The following CTCFL variants were observed in gnomAD, a reference collection of about 807,000 sequenced individuals.
The protein encoded by CTCFL is CCCTC-binding factor like.
In CTCFL, 36 loss-of-function variants were observed where a neutral mutation model predicts 67.4. The observed-to-expected ratio is 0.53, with a 90% CI of 0.41 to 0.71. The LOEUF (loss-of-function observed/expected upper bound fraction) is 0.71. Among genes scored for constraint, CTCFL ranks in the 30% least tolerant of loss-of-function variants. CTCFL has a pLI of 0.00. For synonymous variants in CTCFL, 324 were observed against 302.3 expected (o/e 1.07, Z -0.75); for missense variants, 786 against 835.2 (o/e 0.94, Z 0.73).
chr20:57,519,239 G>T lies in CTCFL; in HGVS notation c.893C>A (p.Thr298Asn). 6.2e-7 allele frequency: 1 copy of T among 1,614,194 alleles called. No individual in the cohort carries two copies. The highest frequency in any genetic ancestry group is 8.5e-7 in the Non-Finnish European group (1 of 1,180,038). ...HLCLKTFRTV[T>N]LLRNHVNTHT... is the part of the protein sequence containing the mutation. The stretch of plus-strand genomic sequence containing the variant: ...GGTGTTAACATGGTTCCGCAGCAGA[G>T]TGACCGTACGGAAGGTTTTCAGGCA... Residue 298 changes from threonine (T) to asparagine (N), a missense_variant, in exon 4 of 11, where the codon ACT becomes AAT. Around this residue, in one of 3 missense-constraint regions of CTCFL, gnomAD observed 254 missense variants for 333.9 expected, o/e 0.76. Transcript: ENST00000243914.
Position 57,512,583 on chromosome 20 carries a change from G to A in CTCFL, c.1491+9C>T. 1 of 1,613,786 alleles carries A rather than the reference G, an allele frequency of 6.2e-7. No individual in the cohort carries two copies. The highest frequency in any genetic ancestry group is 8.5e-7 in the Non-Finnish European group (1 of 1,179,726). Reference sequence around the variant, plus strand: ...CCACTGCCTCTCCAAATTAAGTAAAGTACAATACCTGCTTGCAGGCATAAC... The same window carrying A: ...CCACTGCCTCTCCAAATTAAGTAAAATACAATACCTGCTTGCAGGCATAAC... On this transcript the variant is annotated intron_variant, in intron 8 of 10. Coordinates refer to ENST00000243914, the MANE Select transcript of CTCFL (RefSeq NM_001386993.1).
intron 8 of CTCFL, among the ~76,000 whole-genome samples, chr20:57,509,400 A>G (rs980686514): frequency 2.7e-5 from 4 of 149,880 alleles, no homozygotes; most frequent in African/African-American, 9.8e-5. Flanking sequence ...AGTAGCTGGG[A>G]CTGTGGACGC....
At chr20:57,506,738 T>C in intron 9 of CTCFL, 3 of 962,898 alleles carry the variant, frequency 3.1e-6, no homozygotes, top group Non-Finnish European at 2.5e-6. Context: ...AGGGACTGCA[T>C]GAGGCAGACT....
intron 6 of CTCFL, 119 bp from the exon 7 acceptor site, chr20:57,514,860 G>A (rs768391576): frequency 9.2e-5 from 93 of 1,005,972 alleles, no homozygotes; most frequent in Non-Finnish European, 1.2e-4. Context: ...CCTTCTCACC[G>A]GACAACCCCC....
At position 57,514,571 on chromosome 20, in the gene CTCFL, A is replaced by G. The variant is rs762263306; in HGVS notation, c.1330+21T>C. On this transcript the variant is annotated intron_variant, in intron 7 of 10. Transcript: ENST00000243914. ...GAGCCAGCAAATGCTGTAGTAAAAGAAAGATCGCTAAACCACTCACGTAGG... is the reference window on the plus strand; with the variant it reads ...GAGCCAGCAAATGCTGTAGTAAAAGGAAGATCGCTAAACCACTCACGTAGG... 4 of 1,613,122 alleles carry G rather than the reference A, an allele frequency of 2.5e-6. No homozygotes were observed. The East Asian group carries it at 8.9e-5, about 36-fold the overall frequency.
At chr20:57,500,085 A>ATTTTTTTTTTTTTT in intron 10 of CTCFL, 1 of 639,826 alleles carries the variant, frequency 1.6e-6, no homozygotes, top group Non-Finnish European at 1.9e-6. Context: ...TCCTTGAAGT[A>ATTTTTTTTTTTTTT]TTTTTTTTTT....
chr20:57,517,284 T>C (rs1460079330), intron 5 of CTCFL, among the ~76,000 whole-genome samples: 3 of 136,246 alleles, frequency 2.2e-5, no homozygotes, highest in Non-Finnish European at 4.8e-5. Context: ...GTTCAAATGC[T>C]TTTTTTTTTT....
chr20:57,515,909 A>T (rs901989925), intron 5 of CTCFL, 75 bp from the exon 6 acceptor site: 15 of 1,466,128 alleles, frequency 1.0e-5, no homozygotes, highest in Non-Finnish European at 1.4e-5. Flanking sequence ...TCAGCATTGT[A>T]AAAGAGATTT....
intron 7 of CTCFL, 118 bp downstream of exon 7, chr20:57,514,474 C>T: frequency 8.0e-7 from 1 of 1,248,198 alleles, no homozygotes; most frequent in South Asian, 1.4e-5. Flanking sequence ...CGTCCCAGGG[C>T]CAAGTTCCCG....
rs1277824915 is a variant in CTCFL at position 57,514,669 on chromosome 20, A to C, written c.1253T>G (p.Leu418Arg). Reference sequence around the variant, plus strand: ...GGGGACATTTTCGCCGTGTTTCTGCAGAATATGTATTTTCATGGTCCCGCT... The same window carrying C: ...GGGGACATTTTCGCCGTGTTTCTGCCGAATATGTATTTTCATGGTCCCGCT... ...TQSGTMKIHI[L>R]QKHGENVPKY... Residue 418 changes from leucine to arginine, a missense_variant, in exon 7 of 11, where the codon CTG becomes CGG. Physicochemically the swap from Leu to Arg is moderately radical, Grantham distance 102 (BLOSUM62 -2). Transcript: ENST00000243914. The C allele has an allele frequency of 1.9e-6, 3 of 1,614,232 alleles. No individual in the cohort carries two copies. In the South Asian group the frequency reaches 3.3e-5, roughly 18 times the overall value.
chr20:57,507,194 C>CT (rs113180346), intron 9 of CTCFL: 27,759 of 212,624 alleles, frequency 0.13, 1,364 homozygotes, highest in East Asian at 0.32. Context: ...GAATGTGCCA[C>CT]TTTTTTTTTT....
chr20:57,513,067 A>T (rs2068669822), intron 7 of CTCFL, among the ~76,000 whole-genome samples: 1 of 152,186 alleles, frequency 6.6e-6, no homozygotes, highest in Non-Finnish European at 1.5e-5. Flanking sequence ...AGAATGCTGA[A>T]ATATCATTTT....
In CTCFL at chr20:57,524,187, A is replaced by T. The variant is rs1223987505; in HGVS notation, c.19T>A (p.Ser7Thr). 1.1e-5 allele frequency: 17 copies of T among 1,612,968 alleles called. No homozygotes were observed. Among genetic ancestry groups the T allele is most frequent in the Middle Eastern group, 3.3e-4 (2 of 6,062 alleles). MAATEISVLSEQFTKIK... is the reference protein window; with the variant it reads MAATEITVLSEQFTKIK... ...TTGGTGAATTGCTCAGAAAGGACAG[A>T]GATCTCAGTGGCTGCCATAATGACT... is the stretch of plus-strand genomic sequence containing the variant. The change falls in exon 2 of 11, where the codon TCT becomes ACT. Residue 7 changes from serine (S) to threonine (T), a missense_variant. Coordinates refer to ENST00000243914, the MANE Select transcript of CTCFL (RefSeq NM_001386993.1).
At chr20:57,523,426 G>A (rs886632066) in intron 2 of CTCFL, 148 bp from the exon 3 acceptor site, 2 of 973,286 alleles carry the variant, frequency 2.1e-6, no homozygotes, top group African/African-American at 1.7e-5. Context: ...GGTTGTGGCA[G>A]TGAAACTTAA....
intron 5 of CTCFL, among the ~76,000 whole-genome samples, chr20:57,517,288 T>A (rs1022924513): frequency 2.7e-5 from 4 of 150,474 alleles, no homozygotes; most frequent in African/African-American, 9.8e-5. Context: ...AAATGCTTTT[T>A]TTTTTTTTTT....
Position 57,513,819 on chromosome 20 carries a change from G to A in CTCFL, c.1330+773C>T, listed in dbSNP as rs1175148249. The A allele has an allele frequency of 1.2e-5, 15 of 1,288,258 alleles. No individual in the cohort carries two copies. In the African/African-American group the frequency reaches 1.7e-4, roughly 14 times the overall value. 79.8% of individuals were successfully genotyped at this position (1,288,258 alleles called of 1,614,324 possible). ...CTAACATATTTTTGTGTATCACAGTGTCATATATTTTGGAAAGAGAAATAA... is the reference window on the plus strand; with the variant it reads ...CTAACATATTTTTGTGTATCACAGTATCATATATTTTGGAAAGAGAAATAA... On this transcript the variant is annotated intron_variant, in intron 7 of 10. Coordinates refer to ENST00000243914, the MANE Select transcript of CTCFL (RefSeq NM_001386993.1).
At position 57,512,604 on chromosome 20, in the gene CTCFL, A is replaced by G. The variant is rs150326376; in HGVS notation, c.1479T>C (p.Tyr493=). The change falls in exon 8 of 11, where the codon TAT becomes TAC. Residue 493 remains tyrosine, a synonymous_variant. Transcript: ENST00000243914. ...TAAAGTACAATACCTGCTTGCAGGC[A>G]TAACTGCAGTGTTTGCACTTGAACC... The part of the protein sequence containing the change: ...EKRFKCKHCS[Y]ACKQERHMTA... The G allele has an allele frequency of 7.4e-5, 120 of 1,614,208 alleles. No individual in the cohort carries two copies. The highest frequency in any genetic ancestry group is 9.6e-5 in the Non-Finnish European group (113 of 1,180,020).
intron 7 of CTCFL, 133 bp from the exon 8 acceptor site, chr20:57,512,885 G>T: frequency 1.3e-6 from 1 of 761,312 alleles, no homozygotes; most frequent in Non-Finnish European, 2.1e-6. Flanking sequence ...AGGGCAGGGT[G>T]GGCTATCCTG....
At chr20:57,509,829 G>A (rs575434869) in intron 8 of CTCFL, among the ~76,000 whole-genome samples, 17 of 152,158 alleles carry the variant, frequency 1.1e-4, no homozygotes, top group Non-Finnish European at 2.2e-4. Context: ...CATCTCTGGC[G>A]CTCCCTGCTG....
Sources: gnomAD v4.1 joint callset for allele counts (sites outside exome capture counted in the v4.1 genomes callset) on GRCh38, gnomAD v4.1.1 for gene constraint, gnomAD v4.1.1 regional missense constraint, MANE v1.5 for transcripts, NCBI Gene and HGNC (gene_info 2026-07-23, HGNC 2026-07-21) for gene names.